C1orf21: variants seen among roughly 807,000 people sequenced by gnomAD.
C1orf21 encodes chromosome 1 open reading frame 21.
C1orf21 carries 3 observed loss-of-function variants against 18.7 expected under a neutral mutation model. That is an observed-to-expected ratio of 0.16 (90% CI 0.07 to 0.42). C1orf21 has a LOEUF of 0.42. Ranked by LOEUF, C1orf21 falls within the 10% of genes least tolerant of loss-of-function variation. C1orf21 has a pLI of 0.99. For missense variants in C1orf21, 104 were observed against 143.6 expected (o/e 0.72, Z 1.41); for synonymous variants, 41 against 46.4 (o/e 0.88, Z 0.47).
chr1:184,447,256 G>A (rs1657049101), intron 1 of C1orf21, among the ~76,000 whole-genome samples: 2 of 152,160 alleles, frequency 1.3e-5, no homozygotes, highest in African/African-American at 2.4e-5. Context: ...CGAAGGATCT[G>A]TCATTCCTCT....
chr1:184,445,565 G>T (rs1462463133), intron 1 of C1orf21, among the ~76,000 whole-genome samples: 1 of 151,790 alleles, frequency 6.6e-6, no homozygotes, highest in East Asian at 1.9e-4. Flanking sequence ...TAACGAAAGG[G>T]TAATTATAGT....
At chr1:184,616,094 C>T (rs577850141) in intron 5 of C1orf21, among the ~76,000 whole-genome samples, 6 of 152,310 alleles carry the variant, frequency 3.9e-5, no homozygotes, top group South Asian at 2.1e-4. Context: ...ACAAGGTAAT[C>T]GCCTCTGGTA....
chr1:184,562,057 C>T (rs1658974877), intron 3 of C1orf21, among the ~76,000 whole-genome samples: 1 of 151,788 alleles, frequency 6.6e-6, no homozygotes, highest in Non-Finnish European at 1.5e-5. Flanking sequence ...TCATTGTTGC[C>T]AACTGCAAAA....
chr1:184,561,845 G>A (rs939907538), intron 3 of C1orf21, among the ~76,000 whole-genome samples: 2 of 152,012 alleles, frequency 1.3e-5, no homozygotes, highest in African/African-American at 2.4e-5. Flanking sequence ...CTCTTGGCCA[G>A]GCTGGTCTCG....
At chr1:184,391,612 G>A (rs1270714171) in intron 1 of C1orf21, among the ~76,000 whole-genome samples, 1 of 152,224 alleles carries the variant, frequency 6.6e-6, no homozygotes, top group African/African-American at 2.4e-5. Flanking sequence ...AGTTTATTAA[G>A]AGCCCCATAT....
At chr1:184,391,800 T>C (rs1004405735) in intron 1 of C1orf21, among the ~76,000 whole-genome samples, 2 of 152,074 alleles carry the variant, frequency 1.3e-5, no homozygotes, top group Admixed American at 6.5e-5. Context: ...CTCCACCTCC[T>C]GGGTCCAAGC....
chr1:184,423,869 C>CCATT (rs1317368516), intron 1 of C1orf21, among the ~76,000 whole-genome samples: 1 of 150,410 alleles, frequency 6.6e-6, no homozygotes, highest in East Asian at 1.9e-4. Context: ...GTCCATCCAT[C>CCATT]CATCCATCCA....
At chr1:184,426,630 G>A (rs1656641262) in intron 1 of C1orf21, among the ~76,000 whole-genome samples, 1 of 152,076 alleles carries the variant, frequency 6.6e-6, no homozygotes, top group Non-Finnish European at 1.5e-5. Context: ...TTGATTCTTG[G>A]CTTAAATGTC....
At chr1:184,535,913 C>T (rs1658543414) in intron 3 of C1orf21, among the ~76,000 whole-genome samples, 1 of 152,218 alleles carries the variant, frequency 6.6e-6, no homozygotes, top group Non-Finnish European at 1.5e-5. Flanking sequence ...TGGCAATCTA[C>T]ACTGAATTAA....
At chr1:184,567,226 C>A in intron 3 of C1orf21, 1 of 465,992 alleles carries the variant, frequency 2.1e-6, no homozygotes, top group Non-Finnish European at 4.3e-6. Flanking sequence ...CATTCCATCC[C>A]CAGGAATTAA....
intron 1 of C1orf21, among the ~76,000 whole-genome samples, chr1:184,472,016 T>G (rs1657503537): frequency 6.6e-6 from 1 of 152,280 alleles, no homozygotes; most frequent in South Asian, 2.1e-4. Context: ...ATACCAAAGC[T>G]TCAAGATTAG....
At chr1:184,564,484 T>C (rs916714660) in intron 3 of C1orf21, among the ~76,000 whole-genome samples, 3 of 151,962 alleles carry the variant, frequency 2.0e-5, no homozygotes, top group African/African-American at 7.3e-5. Flanking sequence ...ATTTTTGTAT[T>C]TTTAGTAGAG....
intron 1 of C1orf21, among the ~76,000 whole-genome samples, chr1:184,407,783 AG>A (rs1473588669): frequency 6.6e-6 from 1 of 152,236 alleles, no homozygotes; most frequent in Non-Finnish European, 1.5e-5. Context: ...TTTGGATGCC[AG>A]ATGAACAATA....
intron 1 of C1orf21, among the ~76,000 whole-genome samples, chr1:184,424,419 C>T (rs1270135334): frequency 6.6e-6 from 1 of 152,158 alleles, no homozygotes; most frequent in Non-Finnish European, 1.5e-5. Context: ...AGAATTTAGG[C>T]TTTCCATTGT....
chr1:184,546,360 A>G (rs778272515), intron 3 of C1orf21, among the ~76,000 whole-genome samples: 24 of 152,176 alleles, frequency 1.6e-4, no homozygotes, highest in Non-Finnish European at 1.8e-4. Context: ...GCTTGAACCC[A>G]GGAGGCAGAG....
intron 4 of C1orf21, among the ~76,000 whole-genome samples, 199 bp downstream of exon 4, chr1:184,591,014 A>T (rs1242835465): frequency 1.3e-5 from 2 of 152,218 alleles, no homozygotes; most frequent in Non-Finnish European, 2.9e-5. Context: ...TAGGCACTTC[A>T]TTAGGTATTA....
At chr1:184,473,269 A>T (rs1657521226) in intron 1 of C1orf21, among the ~76,000 whole-genome samples, 1 of 152,206 alleles carries the variant, frequency 6.6e-6, no homozygotes, top group Non-Finnish European at 1.5e-5. Flanking sequence ...GTGATCTGTG[A>T]CTTCAGAAAT....
chr1:184,467,246 C>T (rs1050676200), intron 1 of C1orf21, among the ~76,000 whole-genome samples: 2 of 152,158 alleles, frequency 1.3e-5, no homozygotes, highest in Non-Finnish European at 2.9e-5. Flanking sequence ...TACTATGAGC[C>T]TGACATTGTG....
At chr1:184,422,449 G>A (rs1423230889) in intron 1 of C1orf21, among the ~76,000 whole-genome samples, 1 of 152,166 alleles carries the variant, frequency 6.6e-6, no homozygotes, top group Non-Finnish European at 1.5e-5. Flanking sequence ...TGAGGTAGGA[G>A]CTATTATTAT....
Sources: gnomAD v4.1 joint callset for allele counts (sites outside exome capture counted in the v4.1 genomes callset) on GRCh38, gnomAD v4.1.1 for gene constraint, MANE v1.5 for transcripts, NCBI Gene and HGNC (gene_info 2026-07-23, HGNC 2026-07-21) for gene names.